Variants in MYO16 observed in about 807,000 individuals in gnomAD.
MYO16 encodes unconventional myosin-XVI.
MYO16 carries 94 observed loss-of-function variants against 205.3 expected under a neutral mutation model. That is an observed-to-expected ratio of 0.46 (90% CI 0.39 to 0.54). The LOEUF is 0.54. Among genes scored for constraint, MYO16 ranks in the 20% least tolerant of loss-of-function variants. The pLI, the probability that MYO16 is intolerant of heterozygous loss-of-function variation, is 0.00. For synonymous variants in MYO16, 988 were observed against 954.0 expected, an observed-to-expected ratio of 1.04 and a Z score of -0.66; for missense variants, 2,315 against 2,387.5, an observed-to-expected ratio of 0.97 and a Z score of 0.63.
Position 109,140,510 on chromosome 13 carries a change from T to C in MYO16, c.4298T>C (p.Val1433Ala). The change falls in exon 32 of 35, where the codon GTG (valine) becomes GCG (alanine). Residue 1433 changes from valine (V) to alanine (A), a missense_variant. Transcript: ENST00000457511. The surrounding 1 kb of genome is among the most constrained non-coding windows in gnomAD (Gnocchi z 8.0). ...GGTGACGAGGACGACAGCGAGCCTG[T>C]GTACATCGAGATGCTGGGGCACGCG... ...PPGDEDDSEP[V>A]YIEMLGHAAR... 6.4e-7 allele frequency: 1 copy of C among 1,552,034 alleles called. No individual in the cohort carries two copies. Among genetic ancestry groups the C allele is most frequent in the Non-Finnish European group, 8.6e-7 (1 of 1,157,278 alleles).
intron 20 of MYO16, among the ~76,000 whole-genome samples, chr13:108,976,186 A>G (rs1594440649): frequency 6.6e-6 from 1 of 152,132 alleles, no homozygotes; most frequent in African/African-American, 2.4e-5. Context: ...TCACTTTTTG[A>G]TGATAATATT....
chr13:109,116,714 C>A (rs1439021257), intron 28 of MYO16, among the ~76,000 whole-genome samples: 4 of 152,170 alleles, frequency 2.6e-5, no homozygotes, highest in Admixed American at 2.6e-4. Context: ...TCCCTACTTC[C>A]TTTGTCTGAG....
intron 2 of MYO16, among the ~76,000 whole-genome samples, chr13:108,674,866 A>G (rs1882135467): frequency 6.6e-6 from 1 of 152,222 alleles, no homozygotes; most frequent in Non-Finnish European, 1.5e-5. Context: ...AATATAAAAT[A>G]TCAGCCTGTC....
chr13:108,509,893 A>G, the MYO16 span, among the ~76,000 whole-genome samples: 1 of 151,928 alleles, frequency 6.6e-6, no homozygotes, highest in African/African-American at 2.4e-5. Context: ...CAACCCCAAC[A>G]TTGTTTTGCT....
At position 109,052,454 on chromosome 13, in the gene MYO16, G is replaced by T; in HGVS notation, c.3027G>T (p.Lys1009Asn). ...MTASSIIGEN[K>N]NYLELSKLLK... The stretch of plus-strand genomic sequence containing the variant: ...CTTCTTCAATTATTGGAGAAAACAA[G>T]AATTATCTAGAACTTAGTAAGGTAG... The change falls in exon 25 of 35, where the codon AAG becomes AAT. Residue 1009 changes from lysine (K) to asparagine (N), a missense_variant. Coordinates refer to ENST00000457511, the MANE Select transcript of MYO16 (RefSeq NM_001198950.3). The T allele has an allele frequency of 1.9e-6, 3 of 1,608,386 alleles. No individual in the cohort carries two copies. The highest frequency in any genetic ancestry group is 1.3e-5 in the African/African-American group (1 of 74,736).
chr13:109,105,932 TGTA>T (rs1282754566), intron 28 of MYO16, among the ~76,000 whole-genome samples: 1 of 152,218 alleles, frequency 6.6e-6, no homozygotes, highest in Non-Finnish European at 1.5e-5. Context: ...AAAATCAGGA[TGTA>T]GTGGTGGCTA....
chr13:108,786,076 T>C (rs560865757), intron 5 of MYO16, among the ~76,000 whole-genome samples: 54 of 152,324 alleles, frequency 3.5e-4, no homozygotes, highest in African/African-American at 1.3e-3. Flanking sequence ...ACCAACACAA[T>C]TGAATTTTGA....
Position 108,874,372 on chromosome 13 carries a change from A to G in MYO16, c.1425+8130A>G, listed in dbSNP as rs180813673. 7.3e-4 allele frequency among the ~76,000 whole-genome samples: 111 copies of G among 151,284 alleles called. 1 individual carries two copies. The highest frequency in any genetic ancestry group is 2.3e-3 in the African/African-American group (96 of 41,536). On this transcript the variant is annotated intron_variant, in intron 12 of 34. Transcript: ENST00000457511. Reference sequence around the variant, plus strand: ...CGCCATGCAATTTGATATGAGCAAGAAGTTAAAAAAATTATAATATTTGAA... The same window carrying G: ...CGCCATGCAATTTGATATGAGCAAGGAGTTAAAAAAATTATAATATTTGAA...
At chr13:108,724,369 T>G (rs1884267025) in intron 3 of MYO16, among the ~76,000 whole-genome samples, 1 of 152,216 alleles carries the variant, frequency 6.6e-6, no homozygotes, top group African/African-American at 2.4e-5. Flanking sequence ...GTGAACATGC[T>G]TGTCATCTTC....
intron 2 of MYO16, among the ~76,000 whole-genome samples, chr13:108,676,372 CGT>C (rs35790433): frequency 0.022 from 2,928 of 131,732 alleles, 61 homozygotes; most frequent in African/African-American, 0.063. Context: ...TATATGTACG[CGT>C]GTGTGTGTGT....
At chr13:109,136,802 C>A (rs958746909) in intron 31 of MYO16, among the ~76,000 whole-genome samples, 1 of 152,088 alleles carries the variant, frequency 6.6e-6, no homozygotes, top group Admixed American at 6.5e-5. Context: ...TGTCCCAAAG[C>A]AACTTCAAAG....
chr13:108,745,063 G>T (rs535325569), intron 4 of MYO16, among the ~76,000 whole-genome samples: 2 of 152,226 alleles, frequency 1.3e-5, no homozygotes, highest in East Asian at 3.9e-4. Flanking sequence ...GCTTCTAATT[G>T]TCACTCCTGT....
intron 2 of MYO16, among the ~76,000 whole-genome samples, chr13:108,669,309 G>A (rs75334475): frequency 0.044 from 6,642 of 152,062 alleles, 396 homozygotes; most frequent in East Asian, 0.14. Context: ...ACTGACCATT[G>A]CATTTAGGAG....
At chr13:109,097,636 T>C (rs1888820356) in intron 27 of MYO16, among the ~76,000 whole-genome samples, 1 of 152,218 alleles carries the variant, frequency 6.6e-6, no homozygotes. Flanking sequence ...ACTTCACCCA[T>C]CAACAAATCA....
chr13:108,817,019 C>G (rs1213914500), intron 7 of MYO16, among the ~76,000 whole-genome samples: 1 of 152,054 alleles, frequency 6.6e-6, no homozygotes, highest in Non-Finnish European at 1.5e-5. Flanking sequence ...TGAGATAGTA[C>G]TTCAGTGGCT....
chr13:108,583,669 C>T, the MYO16 span, among the ~76,000 whole-genome samples: 36,955 of 151,938 alleles, frequency 0.24, 4,799 homozygotes, highest in Middle Eastern at 0.29. Flanking sequence ...GCTGGAATGA[C>T]GAATGATAAT....
At chr13:108,611,113 G>C (rs1218072882) in intron 1 of MYO16, among the ~76,000 whole-genome samples, 1 of 152,082 alleles carries the variant, frequency 6.6e-6, no homozygotes, top group Non-Finnish European at 1.5e-5. Flanking sequence ...TTTGAAAGAG[G>C]TGAGGTATCA....
chr13:108,939,328 G>T (rs747881702), intron 16 of MYO16, among the ~76,000 whole-genome samples: 5 of 152,204 alleles, frequency 3.3e-5, no homozygotes, highest in African/African-American at 1.2e-4. Context: ...TGCCAGGGTT[G>T]CTGGGGTCCC....
At chr13:108,656,664 C>T (rs554119727) in intron 1 of MYO16, among the ~76,000 whole-genome samples, 1 of 152,070 alleles carries the variant, frequency 6.6e-6, no homozygotes, top group Non-Finnish European at 1.5e-5. Context: ...ATTTTGTTTT[C>T]CTTTACAGAA....
Sources: allele counts gnomAD v4.1 joint callset (sites outside exome capture counted in the v4.1 genomes callset), GRCh38; gene constraint gnomAD v4.1.1; non-coding constraint Gnocchi (gnomAD v3.1); transcripts MANE v1.5; gene names NCBI Gene and HGNC (gene_info 2026-07-23, HGNC 2026-07-21).